Variants in PAFAH1B2 observed in about 807,000 individuals in gnomAD.
PAFAH1B2 encodes platelet-activating factor acetylhydrolase IB subunit alpha2.
Under a neutral mutation model 28.0 loss-of-function variants are expected in PAFAH1B2, and 8 were observed. That is an observed-to-expected ratio of 0.29 (90% CI 0.17 to 0.52). The LOEUF is 0.52. Among genes scored for constraint, PAFAH1B2 ranks in the 20% least tolerant of loss-of-function variants. PAFAH1B2 has a pLI of 0.97. For missense variants in PAFAH1B2, 190 were observed against 282.6 expected (o/e 0.67, Z 2.35); for synonymous variants, 104 against 103.2 (o/e 1.01, Z -0.05).
At chr11:117,147,123 G>C (rs145384144) in intron 1 of PAFAH1B2, among the ~76,000 whole-genome samples, 4,505 of 152,092 alleles carry the variant, frequency 0.03, 106 homozygotes, top group Middle Eastern at 0.075. Context: ...ACAAAAATTA[G>C]CTGGGCATGG....
intron 4 of PAFAH1B2, among the ~76,000 whole-genome samples, chr11:117,163,312 A>T (rs942797389): frequency 1.3e-5 from 2 of 152,058 alleles, no homozygotes; most frequent in Admixed American, 6.6e-5. Context: ...ATTTAATAGG[A>T]TAGCTGCCCA....
downstream of PAFAH1B2, among the ~76,000 whole-genome samples, chr11:117,174,140 G>T (rs988751211): frequency 6.7e-6 from 1 of 149,532 alleles, no homozygotes; most frequent in Non-Finnish European, 1.5e-5. Context: ...ACAAAATCCT[G>T]CTCGAGTGCA....
chr11:117,172,342 C>G, downstream of PAFAH1B2, among the ~76,000 whole-genome samples: 1 of 113,316 alleles, frequency 8.8e-6, no homozygotes, highest in Non-Finnish European at 1.8e-5. Context: ...CTGGTTCATT[C>G]TAGCTTTATA....
downstream of PAFAH1B2, among the ~76,000 whole-genome samples, chr11:117,173,964 A>G (rs1956725819): frequency 6.6e-6 from 1 of 152,182 alleles, no homozygotes; most frequent in African/African-American, 2.4e-5. Flanking sequence ...CATTTCCTTC[A>G]GAGGGGTTGG....
At chr11:117,151,723 CAG>C (rs1956156295) in intron 1 of PAFAH1B2, among the ~76,000 whole-genome samples, 1 of 150,038 alleles carries the variant, frequency 6.7e-6, no homozygotes, top group African/African-American at 2.5e-5. Flanking sequence ...TTTTTTGAGA[CAG>C]AGTCTTGCTC....
At chr11:117,157,677 A>G (rs1402056764) in intron 2 of PAFAH1B2, among the ~76,000 whole-genome samples, 1 of 152,154 alleles carries the variant, frequency 6.6e-6, no homozygotes, top group Non-Finnish European at 1.5e-5. Context: ...CTGTAGTCCT[A>G]GCTAGTTGGG....
intron 4 of PAFAH1B2, among the ~76,000 whole-genome samples, chr11:117,161,584 C>T (rs562610012): frequency 1.3e-5 from 2 of 150,812 alleles, no homozygotes; most frequent in South Asian, 4.2e-4. Flanking sequence ...TCTCAGCTCA[C>T]TGCAACCTCC....
Position 117,152,765 on chromosome 11 carries a change from TAAAAA to T in PAFAH1B2, c.81+243_81+247del, listed in dbSNP as rs924954383. On this transcript the variant is annotated intron_variant, in intron 2 of 5. Transcript: ENST00000527958. ...TTGACCAAAACTGCAAAGGGGCAAT[TAAAAA>T]AAAAACAAAACAAAACTCTAGGCTG... Among the ~76,000 whole-genome samples, 21 of 151,452 alleles carry T rather than the reference TAAAAA, an allele frequency of 1.4e-4. 1 individual carries two copies. In the South Asian group the frequency reaches 1.9e-3, roughly 14 times the overall value.
intron 2 of PAFAH1B2, among the ~76,000 whole-genome samples, chr11:117,154,116 AAAG>A (rs1210373383): frequency 1.5e-5 from 1 of 64,840 alleles, no homozygotes; most frequent in African/African-American, 4.4e-5. Flanking sequence ...CTTATCTCAA[AAAG>A]AAAAAAAAGA....
downstream of PAFAH1B2, among the ~76,000 whole-genome samples, chr11:117,172,506 C>A (rs1386131817): frequency 6.6e-6 from 1 of 150,924 alleles, no homozygotes; most frequent in South Asian, 2.1e-4. Flanking sequence ...GCTTGTCAGC[C>A]ACTGAGTTAA....
chr11:117,168,033 C>A lies in PAFAH1B2; in HGVS notation c.*334C>A, dbSNP rs1956552592. On this transcript the variant is annotated 3_prime_UTR_variant, in exon 6 of 6. Transcript: ENST00000527958. ...CTAAATACTGAACAATATGAAGATTCTTTTCTTGGCCTTTCTGTGGATTAT... is the reference window on the plus strand; with the variant it reads ...CTAAATACTGAACAATATGAAGATTATTTTCTTGGCCTTTCTGTGGATTAT... The A allele has an allele frequency of 3.7e-6, 4 of 1,068,822 alleles. No homozygotes were observed. In the Admixed American group the frequency reaches 1.6e-4, roughly 43 times the overall value. 66.2% of individuals were successfully genotyped at this position (1,068,822 alleles called of 1,614,324 possible). A position where few individuals can be genotyped will look rare whatever the true frequency, so the allele number is the denominator to read the frequency against.
chr11:117,162,198 A>G (rs1956389193), intron 4 of PAFAH1B2, among the ~76,000 whole-genome samples: 1 of 152,192 alleles, frequency 6.6e-6, no homozygotes, highest in Non-Finnish European at 1.5e-5. Context: ...CAGTGGCATG[A>G]TTATAGCTCA....
rs1261795849 is a variant in PAFAH1B2, at chr11:117,170,268, G to A, written c.*2569G>A. 2 of 1,061,724 alleles carry A rather than the reference G, an allele frequency of 1.9e-6. No homozygotes were observed. The highest frequency in any genetic ancestry group is 2.3e-6 in the Non-Finnish European group (2 of 877,670). 65.8% of individuals were successfully genotyped at this position (1,061,724 alleles called of 1,614,324 possible). ...GTCCTAGTTGTCATTGTGATTAAGG[G>A]GCCAACTTTCCAGGCAGCTAGCAGA... On this transcript the variant is annotated 3_prime_UTR_variant, in exon 6 of 6. Coordinates refer to ENST00000527958, the MANE Select transcript of PAFAH1B2 (RefSeq NM_002572.4).
At chr11:117,159,177 GA>G (rs772700135) in intron 2 of PAFAH1B2, among the ~76,000 whole-genome samples, 26 of 152,272 alleles carry the variant, frequency 1.7e-4, no homozygotes, top group African/African-American at 6.3e-4. Flanking sequence ...AAAGTTTGAG[GA>G]AAAGATAAAC....
chr11:117,162,867 C>G (rs568882822), intron 4 of PAFAH1B2, among the ~76,000 whole-genome samples: 17 of 151,990 alleles, frequency 1.1e-4, no homozygotes, highest in Admixed American at 5.2e-4. Flanking sequence ...GCTGTGTCAC[C>G]CAGGCTGGAG....
intron 2 of PAFAH1B2, chr11:117,159,692 G>A (rs1004725186): frequency 1.7e-5 from 7 of 402,288 alleles, no homozygotes; most frequent in African/African-American, 8.1e-5. Flanking sequence ...CCAAGATCAC[G>A]CCACTGTACT....
At position 117,170,626 on chromosome 11, in the gene PAFAH1B2, T is replaced by TA. The variant is rs150627380; in HGVS notation, c.*2948dup. ...CCGGCTCTTAGGAATTTTGTCTGTT[T>TA]AAAAAAAAAAAAAAAAAAAAAGTCC... On this transcript the variant is annotated 3_prime_UTR_variant, in exon 6 of 6. Transcript: ENST00000527958. 0.054 allele frequency: 49,806 copies of TA among 919,318 alleles called. 8 individuals carry two copies. Among genetic ancestry groups the TA allele is most frequent in the East Asian group, 0.079 (1,120 of 14,132 alleles). The allele number at this position is 919,318 out of a possible 1,614,324, so 56.9% of individuals were successfully genotyped here.
At chr11:117,176,071 A>T in exon 6 of PAFAH1B2, 2 of 768,592 alleles carry the variant, frequency 2.6e-6, no homozygotes, top group Non-Finnish European at 4.4e-6. Flanking sequence ...ATTCGCCTAG[A>T]TGTGCTGGAA....
At chr11:117,172,381 TATATATATA>T (rs1956680759), downstream of PAFAH1B2, among the ~76,000 whole-genome samples, 24 of 5,452 alleles carry the variant, frequency 4.4e-3, no homozygotes, top group Admixed American at 5.5e-3. Flanking sequence ...TATATATATA[TATATATATA>T]TATATATATA....
Sources: gnomAD v4.1 joint callset for allele counts (sites outside exome capture counted in the v4.1 genomes callset) on GRCh38, gnomAD v4.1.1 for gene constraint, MANE v1.5 for transcripts, NCBI Gene and HGNC (gene_info 2026-07-23, HGNC 2026-07-21) for gene names.